TTN: variants seen among roughly 807,000 people sequenced by gnomAD.
TTN encodes the protein connectin.
TTN carries 1,525 observed loss-of-function variants against 3,223.0 expected under a neutral mutation model. The ratio of observed to expected loss-of-function variants is 0.47; its 90% CI spans 0.45 to 0.49. The LOEUF is 0.49. Ranked by LOEUF, TTN falls within the 20% of genes least tolerant of loss-of-function variation. The pLI, the probability that TTN is intolerant of heterozygous loss-of-function variation, is 0.00. For missense variants in TTN, 40,786 were observed against 43,424.0 expected (o/e 0.94, Z 5.40); for synonymous variants, 14,094 against 15,161.0 (o/e 0.93, Z 5.17).
In TTN at chr2:178,602,026, A is replaced by G. The variant is rs2053598248; in HGVS notation, c.55245T>C (p.Asp18415=). The G allele has an allele frequency of 6.2e-7, 1 of 1,612,786 alleles. No individual in the cohort carries two copies. The change falls in exon 284 of 363, where the codon GAT becomes GAC. Residue 18415 remains aspartate, a synonymous_variant. Coordinates refer to ENST00000589042, the MANE Select transcript of TTN (RefSeq NM_001267550.2). ...CCTTCATTGCTTTCTTTGCCTTTCC[A>G]TCAAATTCCCAAGATGATTTTGGTG... ...RPTPKSSWEF[D]GKAKKAMKDG...
intron 159 of TTN, among the ~76,000 whole-genome samples, chr2:178,668,986 TA>T (rs573451981): frequency 7.5e-4 from 108 of 144,650 alleles, no homozygotes; most frequent in Admixed American, 1.9e-3. Context: ...TTATCAAGAG[TA>T]AAAAAAAAAA....
In TTN at chr2:178,777,880, G is replaced by T. The variant is rs1399591625; in HGVS notation, c.4304C>A (p.Ala1435Glu). ...CAGCCTACGTCCAGGGGACATTCTT[G>T]CAGGGGACATCCGTGCAGGAGACAT... ...ARMSPARMSPARMSPGRRLEE... is the reference protein window; with the variant it reads ...ARMSPARMSPERMSPGRRLEE... Residue 1435 changes from alanine to glutamate, a missense_variant, in exon 25 of 363, where the codon GCA becomes GAA. Physicochemically the swap from Ala to Glu is moderately radical, Grantham distance 107 (BLOSUM62 -1). Transcript: ENST00000589042. 3 of 1,614,048 alleles carry T rather than the reference G, an allele frequency of 1.9e-6. No individual in the cohort carries two copies. Among genetic ancestry groups the T allele is most frequent in the South Asian group, 1.1e-5 (1 of 91,086 alleles).
chr2:178,804,838 T>C (rs374735684), intron 1 of TTN, among the ~76,000 whole-genome samples, 183 bp from the exon 2 acceptor site: 2 of 152,100 alleles, frequency 1.3e-5, no homozygotes, highest in African/African-American at 4.8e-5. Context: ...CATCATTGAG[T>C]TGACTTAAAG....
intron 47 of TTN, chr2:178,747,876 T>C (rs1382882156): frequency 1.9e-6 from 3 of 1,612,964 alleles, no homozygotes; most frequent in Non-Finnish European, 2.5e-6. Flanking sequence ...TCACCTGGAT[T>C]CTGTTGTTCT....
chr2:178,652,294 G>A lies in TTN; in HGVS notation c.39181C>T (p.Pro13061Ser), dbSNP rs2063152534. Residue 13061 changes from proline to serine, a missense_variant, in exon 203 of 363, where the codon CCT (proline) becomes TCT (serine). Pro to Ser is a moderately conservative substitution (Grantham distance 74). Coordinates refer to ENST00000589042, the MANE Select transcript of TTN (RefSeq NM_001267550.2). ...VPEKKVPVPPPKKPEVPPTKV... is the reference protein window; with the variant it reads ...VPEKKVPVPPSKKPEVPPTKV... ...GTGGGTGGCACTTCAGGCTTTTTAG[G>A]AGGAGGCACTGGCACTTTCTTTTCA... is the stretch of plus-strand genomic sequence containing the variant. 1 of 1,613,706 alleles carries A rather than the reference G, an allele frequency of 6.2e-7. No individual in the cohort carries two copies.
chr2:178,771,494 TATG>T, intron 33 of TTN, 23 bp from the exon 34 acceptor site: 1 of 1,613,850 alleles, frequency 6.2e-7, no homozygotes, highest in East Asian at 2.2e-5. Context: ...AGATGTACAG[TATG>T]AGTCCTTTAA....
rs1195696847 is a variant in TTN, at chr2:178,572,568, G to C, written c.73564C>G (p.Pro24522Ala). The C allele has an allele frequency of 6.2e-7, 1 of 1,613,376 alleles. No individual in the cohort carries two copies. Among genetic ancestry groups the C allele is most frequent in the Admixed American group, 1.7e-5 (1 of 59,978 alleles). ...TCTTTTACCTTCAGATCCTGTGGGG[G>C]GCCTGGTGTATCGAGAACTCTAACA... ...VNVRVLDTPG[P>A]PQDLKVKEVT... Residue 24522 changes from proline (P) to alanine (A), a missense_variant, in exon 326 of 363, where the codon CCC (proline) becomes GCC (alanine). Physicochemically the swap from Pro to Ala is conservative, Grantham distance 27 (BLOSUM62 -1). Coordinates refer to ENST00000589042, the MANE Select transcript of TTN (RefSeq NM_001267550.2).
chr2:178,649,006 T>C (rs760549076), intron 213 of TTN, among the ~76,000 whole-genome samples: 1 of 152,304 alleles, frequency 6.6e-6, no homozygotes, highest in East Asian at 1.9e-4. Flanking sequence ...GTTTTACACA[T>C]TGAATGAGAG....
chr2:178,798,966 A>C (rs1354201757), intron 6 of TTN: 1 of 157,434 alleles, frequency 6.4e-6, no homozygotes, highest in Admixed American at 6.0e-5. Flanking sequence ...AATATAAATA[A>C]GAATTCAGAA....
chr2:178,699,016 C>A, intron 111 of TTN, 102 bp from the exon 112 acceptor site: 1 of 1,220,790 alleles, frequency 8.2e-7, no homozygotes, highest in Non-Finnish European at 1.1e-6. Context: ...TTTTATTTTT[C>A]CATATGTTGA....
At chr2:178,542,231 T>G (rs1694933688) in intron 349 of TTN, 33 bp downstream of exon 349, 1 of 1,571,166 alleles carries the variant, frequency 6.4e-7, no homozygotes, top group East Asian at 2.3e-5. Flanking sequence ...GAATCAGAGG[T>G]GGGGAGAGTG....
intron 37 of TTN, 47 bp from the exon 38 acceptor site, chr2:178,768,980 A>G: frequency 6.2e-7 from 1 of 1,605,760 alleles, no homozygotes. Flanking sequence ...TTACGTAAAT[A>G]TGATGTGGGT....
chr2:178,749,422 G>T (rs757090311), intron 47 of TTN: 1 of 1,612,958 alleles, frequency 6.2e-7, no homozygotes, highest in African/African-American at 1.3e-5. Context: ...TAGAAGGTAT[G>T]CAACGCACCT....
Position 178,566,096 on chromosome 2 carries a change from T to G in TTN, c.80036A>C (p.Lys26679Thr), listed in dbSNP as rs776990508. The G allele has an allele frequency of 3.1e-6, 5 of 1,613,636 alleles. No individual in the cohort carries two copies. Among genetic ancestry groups the G allele is most frequent in the Non-Finnish European group, 4.2e-6 (5 of 1,179,674 alleles). The change falls in exon 326 of 363, where the codon AAA becomes ACA. Residue 26679 changes from lysine (K) to threonine (T), a missense_variant. Coordinates refer to ENST00000589042, the MANE Select transcript of TTN (RefSeq NM_001267550.2). ...TGGTGGTCCTGGAGTGTCAAGAACTTTCACAGTTACAAAAGCAGACTTTGA... is the reference window on the plus strand; with the variant it reads ...TGGTGGTCCTGGAGTGTCAAGAACTGTCACAGTTACAAAAGCAGACTTTGA... ...SGSKSAFVTV[K>T]VLDTPGPPQN...
Position 178,605,254 on chromosome 2 carries a change from T to C in TTN, c.53923A>G (p.Thr17975Ala). 6.2e-7 allele frequency: 1 copy of C among 1,605,970 alleles called. No homozygotes were observed. The highest frequency in any genetic ancestry group is 8.5e-7 in the Non-Finnish European group (1 of 1,176,210). ...IKLRLSVRGDTIKVKAGEPVH... is the reference protein window; with the variant it reads ...IKLRLSVRGDAIKVKAGEPVH... Reference sequence around the variant, plus strand: ...GGCTCTCCTGCCTTAACTTTGATAGTGTCTCCTCGAACACTCAGACGCAAC... The same window carrying C: ...GGCTCTCCTGCCTTAACTTTGATAGCGTCTCCTCGAACACTCAGACGCAAC... The change falls in exon 280 of 363, where the codon ACT becomes GCT. Residue 17975 changes from threonine to alanine, a missense_variant. Coordinates refer to ENST00000589042, the MANE Select transcript of TTN (RefSeq NM_001267550.2).
chr2:178,694,496 T>G, intron 117 of TTN, 103 bp downstream of exon 117: 1 of 711,846 alleles, frequency 1.4e-6, no homozygotes, highest in Non-Finnish European at 2.2e-6. Context: ...GTGCTGTTTT[T>G]GGTCGTTTCA....
At chr2:178,762,619 ATTAT>A (rs2089507623) in intron 43 of TTN, among the ~76,000 whole-genome samples, 1 of 152,212 alleles carries the variant, frequency 6.6e-6, no homozygotes, top group African/African-American at 2.4e-5. Flanking sequence ...AAATGGATAA[ATTAT>A]TTAGTGTAGC....
chr2:178,630,834 T>A lies in TTN; in HGVS notation c.44124A>T (p.Lys14708Asn). 6.2e-7 allele frequency: 1 copy of A among 1,613,334 alleles called. No individual in the cohort carries two copies. Among genetic ancestry groups the A allele is most frequent in the Non-Finnish European group, 8.5e-7 (1 of 1,179,472 alleles). Residue 14708 changes from lysine (K) to asparagine (N), a missense_variant, in exon 238 of 363, where the codon AAA (lysine) becomes AAT (asparagine). By Grantham distance (94) the Lys-to-Asn change is moderately conservative. Coordinates refer to ENST00000589042, the MANE Select transcript of TTN (RefSeq NM_001267550.2). Reference protein sequence around the residue: ...ISEDDIHANWKLKGEALLQTP... With the variant: ...ISEDDIHANWNLKGEALLQTP... The stretch of plus-strand genomic sequence containing the variant: ...TTTGGAGTAGGGCCTCTCCCTTGAG[T>A]TTCCAGTTGGCGTGGATATCATCTT...
In TTN at chr2:178,664,691, C is replaced by G; in HGVS notation, c.36165G>C (p.Val12055=). ...GGACTTCAGGCTTTCTGAGAGGAAC[C>G]ACAAGCGTTTTCTTTTCAGGGACAA... ...QEIVPEKKTL[V]VPLRKPEVLP... is the part of the protein sequence containing the mutation. Residue 12055 remains valine (V), a synonymous_variant, in exon 167 of 363, where the codon GTG becomes GTC. Coordinates refer to ENST00000589042, the MANE Select transcript of TTN (RefSeq NM_001267550.2). 1 of 1,612,508 alleles carries G rather than the reference C, an allele frequency of 6.2e-7. No homozygotes were observed. The highest frequency in any genetic ancestry group is 8.5e-7 in the Non-Finnish European group (1 of 1,179,708).
Sources: allele counts gnomAD v4.1 joint callset (sites outside exome capture counted in the v4.1 genomes callset), GRCh38; gene constraint gnomAD v4.1.1; transcripts MANE v1.5; gene names NCBI Gene and HGNC (gene_info 2026-07-23, HGNC 2026-07-21).